The following KSR2 variants were observed in gnomAD, a reference collection of about 807,000 sequenced individuals.
KSR2 encodes the protein kinase suppressor of ras 2.
KSR2 carries 25 observed loss-of-function variants against 107.8 expected under a neutral mutation model. The observed-to-expected ratio is 0.23, with a 90% CI of 0.17 to 0.32. KSR2 has a LOEUF of 0.32. Ranked by LOEUF, KSR2 falls within the 10% of genes least tolerant of loss-of-function variation. The probability of loss-of-function intolerance (pLI) is 1.00; values close to 1 mark genes in which losing one functional copy is unlikely to be tolerated. For synonymous variants in KSR2, 480 were observed against 507.0 expected (o/e 0.95, Z 0.71); for missense variants, 887 against 1,268.9 (o/e 0.70, Z 4.57).
intron 14 of KSR2, among the ~76,000 whole-genome samples, chr12:117,505,671 G>A (rs994304239): frequency 1.3e-5 from 2 of 152,202 alleles, no homozygotes; most frequent in Admixed American, 1.3e-4. Context: ...AGGAGAGTCA[G>A]GATACATTAG....
intron 7 of KSR2, among the ~76,000 whole-genome samples, chr12:117,578,661 G>C (rs1048948650): frequency 1.8e-4 from 28 of 151,600 alleles, no homozygotes; most frequent in Non-Finnish European, 4.0e-4. Context: ...TCTAACTCAG[G>C]GATCAGCAAA....
chr12:117,474,695 TCTC>T (rs1871668537), intron 17 of KSR2, among the ~76,000 whole-genome samples: 1 of 152,176 alleles, frequency 6.6e-6, no homozygotes, highest in South Asian at 2.1e-4. Context: ...AGGCCCTTCT[TCTC>T]CTTCTGTACT....
chr12:117,556,706 C>A (rs953224612), intron 8 of KSR2, among the ~76,000 whole-genome samples: 2 of 151,974 alleles, frequency 1.3e-5, no homozygotes, highest in African/African-American at 4.8e-5. Flanking sequence ...CGGGGGTGGG[C>A]AAGTGAGAGG....
chr12:117,756,551 A>C (rs1888797719), intron 4 of KSR2, among the ~76,000 whole-genome samples: 1 of 152,262 alleles, frequency 6.6e-6, no homozygotes, highest in South Asian at 2.1e-4. Flanking sequence ...ATTATTGCTC[A>C]TCGACAATGC....
rs1896872551 is a variant in KSR2, at chr12:117,968,786, C to A, written c.-531G>T. 1 of 156,412 alleles carries A rather than the reference C, an allele frequency of 6.4e-6. No individual in the cohort carries two copies. The allele number at this position is 156,412 out of a possible 1,614,324, so 9.7% of individuals were successfully genotyped here. A position where few individuals can be genotyped will look rare whatever the true frequency, so the allele number is the denominator to read the frequency against. The stretch of plus-strand genomic sequence containing the variant: ...TTCCCCCCTCCCAGTTGCAGGGACA[C>A]GGCATGGTCCACGGTTTGGAGTGCT... On this transcript the variant is annotated 5_prime_UTR_variant, in exon 1 of 20. Transcript: ENST00000339824.
At chr12:117,751,715 G>A (rs980256626) in intron 4 of KSR2, among the ~76,000 whole-genome samples, 1 of 152,146 alleles carries the variant, frequency 6.6e-6, no homozygotes, top group Non-Finnish European at 1.5e-5. Context: ...CTTAATGTGG[G>A]TCTCATCACT....
In KSR2 at chr12:117,458,910, T is replaced by G. The variant is rs1468715507; in HGVS notation, c.*8289A>C. On this transcript the variant is annotated 3_prime_UTR_variant, in exon 20 of 20. Transcript: ENST00000339824. ...CCCCTGACTTCCCAGAAGCCCAGAC[T>G]GAACAGCAGAAATTTTACAAACCTC... 3.3e-5 allele frequency: 5 copies of G among 152,278 alleles called. No individual in the cohort carries two copies. The highest frequency in any genetic ancestry group is 1.2e-4 in the African/African-American group (5 of 41,444). The allele number at this position is 152,278 out of a possible 1,614,324, so 9.4% of individuals were successfully genotyped here.
chr12:117,681,729 C>A (rs1441732888), intron 4 of KSR2, among the ~76,000 whole-genome samples: 1 of 152,134 alleles, frequency 6.6e-6, no homozygotes, highest in Non-Finnish European at 1.5e-5. Context: ...AGGAAGGGGT[C>A]CAGTTTCAGT....
At position 117,466,316 on chromosome 12, in the gene KSR2, T is replaced by A. The variant is rs1871142741; in HGVS notation, c.*883A>T. On this transcript the variant is annotated 3_prime_UTR_variant, in exon 20 of 20. Coordinates refer to ENST00000339824, the MANE Select transcript of KSR2 (RefSeq NM_173598.6). ...TCCTAGAACTCCCTGCCCAGAGCCC[T>A]GATTCTCAGGGACCAGACTTCAGGG... The A allele has an allele frequency of 6.6e-6, 1 of 152,172 alleles. No individual in the cohort carries two copies. The highest frequency in any genetic ancestry group is 2.4e-5 in the African/African-American group (1 of 41,432). The allele number at this position is 152,172 out of a possible 1,614,324, so 9.4% of individuals were successfully genotyped here. A position where few individuals can be genotyped will look rare whatever the true frequency, so the allele number is the denominator to read the frequency against.
intron 3 of KSR2, among the ~76,000 whole-genome samples, chr12:117,762,157 C>T (rs556534642): frequency 6.6e-6 from 1 of 152,352 alleles, no homozygotes; most frequent in Admixed American, 6.5e-5. Flanking sequence ...TTAATTCTCA[C>T]TTTTTGAACT....
intron 6 of KSR2, among the ~76,000 whole-genome samples, chr12:117,580,590 G>A (rs1254800754): frequency 6.6e-6 from 1 of 152,224 alleles, no homozygotes; most frequent in African/African-American, 2.4e-5. Context: ...CACCAAGGCT[G>A]GGGTGAGTCC....
intron 9 of KSR2, among the ~76,000 whole-genome samples, chr12:117,542,556 A>G (rs575936399): frequency 6.6e-6 from 1 of 152,104 alleles, no homozygotes; most frequent in Non-Finnish European, 1.5e-5. Flanking sequence ...GTTTATAGCC[A>G]TACCCATTTC....
intron 14 of KSR2, among the ~76,000 whole-genome samples, chr12:117,512,327 A>G (rs1243938455): frequency 1.3e-5 from 2 of 152,032 alleles, no homozygotes; most frequent in African/African-American, 2.4e-5. Flanking sequence ...GTTTTCCTCA[A>G]TTCTCTTGTT....
intron 7 of KSR2, among the ~76,000 whole-genome samples, chr12:117,561,309 C>T (rs1052922809): frequency 6.6e-6 from 1 of 152,184 alleles, no homozygotes. Flanking sequence ...TTTGGAAGTG[C>T]TGTTGGTCAT....
intron 1 of KSR2, among the ~76,000 whole-genome samples, chr12:117,950,293 A>G (rs1038095028): frequency 6.6e-6 from 1 of 152,114 alleles, no homozygotes; most frequent in Non-Finnish European, 1.5e-5. Flanking sequence ...CTTTTAATAC[A>G]TTAAACAATA....
At chr12:117,821,968 C>G (rs58554127) in intron 3 of KSR2, among the ~76,000 whole-genome samples, 1 of 152,122 alleles carries the variant, frequency 6.6e-6, no homozygotes, top group Admixed American at 6.5e-5. Flanking sequence ...GCAAGAAATA[C>G]GGCTCATAAA....
intron 5 of KSR2, among the ~76,000 whole-genome samples, chr12:117,656,297 G>A (rs1159362566): frequency 6.6e-6 from 1 of 152,168 alleles, no homozygotes; most frequent in Non-Finnish European, 1.5e-5. Context: ...TTAGAGGTTG[G>A]TGCATTTCTG....
chr12:117,832,683 G>A (rs1283898622), intron 3 of KSR2, among the ~76,000 whole-genome samples: 1 of 152,196 alleles, frequency 6.6e-6, no homozygotes, highest in Non-Finnish European at 1.5e-5. Context: ...GCCCTAGAGA[G>A]CAGGGTGCTC....
At chr12:117,875,154 CA>C (rs915598568) in intron 1 of KSR2, among the ~76,000 whole-genome samples, 2 of 151,722 alleles carry the variant, frequency 1.3e-5, no homozygotes, top group African/African-American at 2.4e-5. Flanking sequence ...ACAACAACAA[CA>C]AAAAAAATCA....
Sources: gnomAD v4.1 joint callset for allele counts (sites outside exome capture counted in the v4.1 genomes callset) on GRCh38, gnomAD v4.1.1 for gene constraint, MANE v1.5 for transcripts, NCBI Gene and HGNC (gene_info 2026-07-23, HGNC 2026-07-21) for gene names.